The following CCSER1 variants were observed in gnomAD, a reference collection of about 807,000 sequenced individuals.
CCSER1 encodes the protein serine-rich coiled-coil domain-containing protein 1.
CCSER1 carries 41 observed loss-of-function variants against 82.0 expected under a neutral mutation model. That is an observed-to-expected ratio of 0.50 (90% confidence interval 0.39 to 0.65). The LOEUF is 0.65. CCSER1 is among the 30% of genes least tolerant of loss of function. CCSER1 has a pLI of 0.00. For synonymous variants in CCSER1, 414 were observed against 383.9 expected, an observed-to-expected ratio of 1.08 and a Z score of -0.92; for missense variants, 1,119 against 1,064.2, an observed-to-expected ratio of 1.05 and a Z score of -0.72.
rs766423616 is a variant in CCSER1, at chr4:90,641,062, G to T, written c.1932+12830G>T. Among the ~76,000 whole-genome samples, 3 of 152,034 alleles carry T rather than the reference G, an allele frequency of 2.0e-5. No homozygotes were observed. In the South Asian group the frequency reaches 6.2e-4, roughly 32 times the overall value. ...TGGTCTCTTCCAAAAGTGTAATGGT[G>T]CATGTTCAAAACTACTAGATAATTT... On this transcript the variant is annotated intron_variant, in intron 6 of 10. Transcript: ENST00000509176.
chr4:91,127,132 T>C lies in CCSER1; in HGVS notation c.2217+41138T>C, dbSNP rs150053587. Among the ~76,000 whole-genome samples, 1,253 of 152,042 alleles carry C rather than the reference T, an allele frequency of 8.2e-3. 7 individuals carry two copies. Among genetic ancestry groups the C allele is most frequent in the African/African-American group, 0.017 (694 of 41,492 alleles). ...CATACAAAGTACAATCAGAGAAATATGGTTGGCCAAAGAGCTCTGTGCTTT... is the reference window on the plus strand; with the variant it reads ...CATACAAAGTACAATCAGAGAAATACGGTTGGCCAAAGAGCTCTGTGCTTT... On this transcript the variant is annotated intron_variant, in intron 10 of 10. Transcript: ENST00000509176.
intron 4 of CCSER1, among the ~76,000 whole-genome samples, chr4:90,414,282 A>G (rs1755459932): frequency 6.6e-6 from 1 of 151,640 alleles, no homozygotes; most frequent in African/African-American, 2.4e-5. Flanking sequence ...AAGGTTTTCA[A>G]TTTAAAAGGT....
rs143546129 is a variant in CCSER1 at position 90,686,954 on chromosome 4, A to G, written c.1933-36960A>G. Among the ~76,000 whole-genome samples, 93 of 152,306 alleles carry G rather than the reference A, an allele frequency of 6.1e-4. 1 individual carries two copies. In the East Asian group the frequency reaches 0.014, roughly 23 times the overall value. On this transcript the variant is annotated intron_variant, in intron 6 of 10. Transcript: ENST00000509176. ...TAAACCACCTTACAAAACAATGGAA[A>G]TTATACCATTTAACTAATGTAGTGG... is the stretch of plus-strand genomic sequence containing the variant.
chr4:90,675,263 C>G (rs546603349), intron 6 of CCSER1, among the ~76,000 whole-genome samples: 23 of 151,948 alleles, frequency 1.5e-4, no homozygotes, highest in Admixed American at 3.3e-4. Context: ...CAATTACTTA[C>G]AGTTGCAAGG....
At chr4:90,959,476 A>G (rs573256341) in intron 9 of CCSER1, among the ~76,000 whole-genome samples, 1 of 152,180 alleles carries the variant, frequency 6.6e-6, no homozygotes, top group Non-Finnish European at 1.5e-5. Flanking sequence ...CCAAACCATT[A>G]GTAAGTGGCA....
intron 10 of CCSER1, among the ~76,000 whole-genome samples, chr4:91,331,404 C>A (rs1746943246): frequency 6.6e-6 from 1 of 152,078 alleles, no homozygotes; most frequent in South Asian, 2.1e-4. Flanking sequence ...AAGGTATCTG[C>A]AAGGGCTTAA....
intron 6 of CCSER1, among the ~76,000 whole-genome samples, chr4:90,714,195 T>G (rs1420345889): frequency 1.3e-5 from 2 of 152,024 alleles, no homozygotes; most frequent in Non-Finnish European, 2.9e-5. Flanking sequence ...ATATATTTTA[T>G]TTGTGATTGT....
At chr4:90,533,999 T>G (rs997233545) in intron 5 of CCSER1, among the ~76,000 whole-genome samples, 2 of 152,240 alleles carry the variant, frequency 1.3e-5, no homozygotes, top group African/African-American at 4.8e-5. Context: ...TGCCAAAGTT[T>G]ACAGACAGCT....
At position 90,813,956 on chromosome 4, in the gene CCSER1, C is replaced by T. The variant is rs144978364; in HGVS notation, c.2011-1806C>T. Among the ~76,000 whole-genome samples the T allele has an allele frequency of 7.0e-3, 1,071 of 152,276 alleles. 8 individuals carry two copies. Among genetic ancestry groups the T allele is most frequent in the African/African-American group, 0.025 (1,037 of 41,554 alleles). On this transcript the variant is annotated intron_variant, in intron 7 of 10. Coordinates refer to ENST00000509176, the MANE Select transcript of CCSER1 (RefSeq NM_001145065.2). ...AACCCCACATGTCCCTTCTGCACTGCCCTAGCAGAGGTTCTCCTTAAGGGC... is the reference window on the plus strand; with the variant it reads ...AACCCCACATGTCCCTTCTGCACTGTCCTAGCAGAGGTTCTCCTTAAGGGC...
intron 10 of CCSER1, among the ~76,000 whole-genome samples, chr4:91,385,244 A>G (rs1314818475): frequency 1.3e-5 from 2 of 152,074 alleles, no homozygotes; most frequent in Non-Finnish European, 2.9e-5. Flanking sequence ...CTGTAAAAAG[A>G]ATGAGGAAGA....
At chr4:90,312,799 G>A in intron 2 of CCSER1, 64 bp from the exon 3 acceptor site, 1 of 1,236,966 alleles carries the variant, frequency 8.1e-7, no homozygotes, top group Non-Finnish European at 1.1e-6. Context: ...ATCTTTCAGT[G>A]GGACATTTGT....
intron 7 of CCSER1, among the ~76,000 whole-genome samples, chr4:90,801,983 G>T (rs1756886347): frequency 6.6e-6 from 1 of 151,970 alleles, no homozygotes; most frequent in African/African-American, 2.4e-5. Flanking sequence ...ACTTTGGGAG[G>T]CCAAGCGGGG....
At chr4:91,465,099 T>A (rs1756795306) in intron 10 of CCSER1, among the ~76,000 whole-genome samples, 5 of 152,112 alleles carry the variant, frequency 3.3e-5, no homozygotes. Context: ...GACCGCATAG[T>A]CGGAAGTAAA....
intron 10 of CCSER1, among the ~76,000 whole-genome samples, chr4:91,345,337 A>G (rs548428321): frequency 1.3e-5 from 2 of 152,252 alleles, no homozygotes; most frequent in East Asian, 3.9e-4. Flanking sequence ...CAGTGAGTCA[A>G]GATCCTGCCA....
intron 2 of CCSER1, among the ~76,000 whole-genome samples, chr4:90,309,964 T>C (rs901051525): frequency 2.0e-5 from 3 of 152,150 alleles, no homozygotes; most frequent in Admixed American, 1.3e-4. Flanking sequence ...CTGTCTTTTA[T>C]AGAGTTTATT....
At chr4:90,627,305 T>C (rs1376051038) in intron 5 of CCSER1, among the ~76,000 whole-genome samples, 1 of 152,102 alleles carries the variant, frequency 6.6e-6, no homozygotes, top group Non-Finnish European at 1.5e-5. Flanking sequence ...TATTTTCTTA[T>C]CTGTATTATT....
At chr4:91,123,563 C>T (rs570414359) in intron 10 of CCSER1, among the ~76,000 whole-genome samples, 30 of 151,772 alleles carry the variant, frequency 2.0e-4, no homozygotes, top group African/African-American at 4.6e-4. Flanking sequence ...CAAAACATGA[C>T]GAAATATTTC....
In CCSER1 at chr4:91,231,346, T is replaced by C. The variant is rs138604585; in HGVS notation, c.2217+145352T>C. Among the ~76,000 whole-genome samples the C allele has an allele frequency of 7.7e-4, 116 of 150,198 alleles. 4 individuals are homozygous for C. In the East Asian group the frequency reaches 0.02, roughly 26 times the overall value. ...GATATTTTGTGGGAAAATTAAAAGA[T>C]AAAAAATGTGAGTATAGGATAATTC... On this transcript the variant is annotated intron_variant, in intron 10 of 10. Transcript: ENST00000509176.
At chr4:90,263,903 C>T (rs1009688194) in intron 1 of CCSER1, among the ~76,000 whole-genome samples, 3 of 152,178 alleles carry the variant, frequency 2.0e-5, no homozygotes, top group African/African-American at 4.8e-5. Context: ...ACCCCAGTGG[C>T]CTGAGAGCCA....
Sources: allele counts gnomAD v4.1 joint callset (sites outside exome capture counted in the v4.1 genomes callset), GRCh38; gene constraint gnomAD v4.1.1; transcripts MANE v1.5; gene names NCBI Gene and HGNC (gene_info 2026-07-23, HGNC 2026-07-21).